Variants in FAM168A observed in about 807,000 individuals in gnomAD.
FAM168A encodes the protein family with sequence similarity 168 member A.
In FAM168A, 3 loss-of-function variants were observed where a neutral mutation model predicts 28.5. The ratio of observed to expected loss-of-function variants is 0.11; its 90% CI spans 0.05 to 0.27. The LOEUF (loss-of-function observed/expected upper bound fraction) is 0.27, where lower values mean the gene tolerates loss of function less well. Among genes scored for constraint, FAM168A ranks in the 10% least tolerant of loss-of-function variants. The pLI is 1.00. For missense variants in FAM168A, 222 were observed against 311.5 expected (o/e 0.71, Z 2.16); for synonymous variants, 122 against 124.2 (o/e 0.98, Z 0.12).
At chr11:73,429,527 C>T (rs1004543615) in intron 3 of FAM168A, among the ~76,000 whole-genome samples, 1 of 152,196 alleles carries the variant, frequency 6.6e-6, no homozygotes, top group African/African-American at 2.4e-5. Flanking sequence ...TTTAGCCACT[C>T]CCCTACTTCT....
At chr11:73,460,039 C>T (rs942781363) in intron 2 of FAM168A, among the ~76,000 whole-genome samples, 6 of 152,040 alleles carry the variant, frequency 3.9e-5, no homozygotes, top group Non-Finnish European at 2.9e-5. Flanking sequence ...CACCACCATG[C>T]CTGGCTAATT....
chr11:73,451,690 G>A (rs947152497), intron 2 of FAM168A, among the ~76,000 whole-genome samples: 1 of 152,216 alleles, frequency 6.6e-6, no homozygotes, highest in African/African-American at 2.4e-5. Context: ...GTAACATGCT[G>A]TACAGATTTG....
intron 2 of FAM168A, among the ~76,000 whole-genome samples, chr11:73,438,018 TA>T (rs906815077): frequency 2.6e-5 from 4 of 151,990 alleles, no homozygotes; most frequent in Non-Finnish European, 5.9e-5. Context: ...TTTCCCCAAT[TA>T]AAAAAAGATA....
chr11:73,452,532 C>A (rs1374603427), intron 2 of FAM168A, among the ~76,000 whole-genome samples: 3 of 152,076 alleles, frequency 2.0e-5, no homozygotes, highest in Non-Finnish European at 4.4e-5. Flanking sequence ...AAAGGAGAGT[C>A]TGGGGTGAGG....
At chr11:73,522,550 A>T (rs1466488171) in intron 1 of FAM168A, among the ~76,000 whole-genome samples, 2 of 151,836 alleles carry the variant, frequency 1.3e-5, no homozygotes, top group Non-Finnish European at 2.9e-5. Flanking sequence ...GTTAGCCAGG[A>T]TGGTACCAAT....
At position 73,405,674 on chromosome 11, in the gene FAM168A, A is replaced by G. The variant is rs776885169; in HGVS notation, c.*1089T>C. The stretch of plus-strand genomic sequence containing the variant: ...TTCAGAGCTGCCAGCACCCACCTGG[A>G]ATGTGGTTCCTTCACTTGGGCCATG... On this transcript the variant is annotated 3_prime_UTR_variant, in exon 8 of 8. Transcript: ENST00000356467. The G allele has an allele frequency of 2.0e-5, 3 of 152,228 alleles. No individual in the cohort carries two copies. Among genetic ancestry groups the G allele is most frequent in the Non-Finnish European group, 4.4e-5 (3 of 68,042 alleles). 9.4% of individuals were successfully genotyped at this position (152,228 alleles called of 1,614,324 possible). A position where few individuals can be genotyped will look rare whatever the true frequency, so the allele number is the denominator to read the frequency against.
intron 1 of FAM168A, among the ~76,000 whole-genome samples, chr11:73,583,992 A>G (rs1309517917): frequency 6.6e-6 from 1 of 152,170 alleles, no homozygotes; most frequent in Non-Finnish European, 1.5e-5. Context: ...GCTCATTTTA[A>G]AGGGTGTTGG....
At chr11:73,532,590 G>A (rs112199509) in intron 1 of FAM168A, among the ~76,000 whole-genome samples, 42 of 152,242 alleles carry the variant, frequency 2.8e-4, no homozygotes, top group African/African-American at 9.9e-4. Flanking sequence ...TCAGTTTTTT[G>A]CAAGTCCAAA....
At chr11:73,476,808 T>A (rs1236240735) in intron 1 of FAM168A, among the ~76,000 whole-genome samples, 1 of 152,090 alleles carries the variant, frequency 6.6e-6, no homozygotes, top group Non-Finnish European at 1.5e-5. Context: ...AATGAATCAT[T>A]CAAGAGAGGC....
At chr11:73,550,235 TAGAG>T (rs146347220) in intron 1 of FAM168A, among the ~76,000 whole-genome samples, 1 of 152,112 alleles carries the variant, frequency 6.6e-6, no homozygotes, top group East Asian at 1.9e-4. Context: ...AGCTCTAAGA[TAGAG>T]AAAGAACTGC....
intron 1 of FAM168A, among the ~76,000 whole-genome samples, chr11:73,582,117 T>C (rs943528414): frequency 6.6e-6 from 1 of 152,150 alleles, no homozygotes; most frequent in South Asian, 2.1e-4. Flanking sequence ...CAACCTAACA[T>C]AGAGGCTGAT....
At chr11:73,509,421 C>T (rs867608436) in intron 1 of FAM168A, among the ~76,000 whole-genome samples, 13 of 152,184 alleles carry the variant, frequency 8.5e-5, no homozygotes, top group Admixed American at 2.0e-4. Flanking sequence ...TTCCCATCCA[C>T]CACTGCCTTG....
intron 1 of FAM168A, among the ~76,000 whole-genome samples, chr11:73,554,835 A>G (rs1330946458): frequency 6.6e-6 from 1 of 152,244 alleles, no homozygotes; most frequent in Non-Finnish European, 1.5e-5. Context: ...TGTCATCAGC[A>G]AAGCCAAGTT....
intron 1 of FAM168A, among the ~76,000 whole-genome samples, chr11:73,532,520 T>C (rs10898924): frequency 0.14 from 21,262 of 152,180 alleles, 1,884 homozygotes; most frequent in South Asian, 0.3. Context: ...AGAGCTTAAG[T>C]ATTTCTTTGT....
rs187330850 is a variant in FAM168A at position 73,404,013 on chromosome 11, T to C, written c.*2750A>G. ...GGGATTCGAGTGGCTCTGTCACTTA[T>C]TAGCAAGTCACTTGACTTTTCCAAG... On this transcript the variant is annotated 3_prime_UTR_variant, in exon 8 of 8. Coordinates refer to ENST00000356467, the MANE Select transcript of FAM168A (RefSeq NM_015159.3). 1.3e-5 allele frequency: 2 copies of C among 152,344 alleles called. No individual in the cohort carries two copies. Among genetic ancestry groups the C allele is most frequent in the East Asian group, 1.9e-4 (1 of 5,190 alleles). The allele number at this position is 152,344 out of a possible 1,614,324, so 9.4% of individuals were successfully genotyped here. A position where few individuals can be genotyped will look rare whatever the true frequency, so the allele number is the denominator to read the frequency against.
intron 2 of FAM168A, among the ~76,000 whole-genome samples, chr11:73,435,235 T>C (rs1002045509): frequency 3.3e-5 from 5 of 152,242 alleles, no homozygotes; most frequent in Non-Finnish European, 5.9e-5. Context: ...AACTTGTTGA[T>C]TAATTAGCAA....
intron 1 of FAM168A, among the ~76,000 whole-genome samples, chr11:73,540,378 A>G (rs1442522447): frequency 1.3e-5 from 2 of 152,136 alleles, no homozygotes; most frequent in African/African-American, 4.8e-5. Context: ...TAGATAAGAA[A>G]CTTAAAGTTC....
At chr11:73,487,796 T>C (rs987538827) in intron 1 of FAM168A, among the ~76,000 whole-genome samples, 9 of 152,176 alleles carry the variant, frequency 5.9e-5, no homozygotes, top group African/African-American at 1.2e-4. Context: ...TTGCTCTCTA[T>C]AGTACACCAA....
At chr11:73,453,888 A>C (rs751509198) in intron 2 of FAM168A, among the ~76,000 whole-genome samples, 2 of 152,380 alleles carry the variant, frequency 1.3e-5, no homozygotes, top group Non-Finnish European at 2.9e-5. Context: ...CCATTGATTA[A>C]GGACCATACA....
Sources: gnomAD v4.1 joint callset for allele counts (sites outside exome capture counted in the v4.1 genomes callset) on GRCh38, gnomAD v4.1.1 for gene constraint, MANE v1.5 for transcripts, NCBI Gene and HGNC (gene_info 2026-07-23, HGNC 2026-07-21) for gene names.